The following ROR2 variants were observed in gnomAD, a reference collection of about 807,000 sequenced individuals.
ROR2 encodes the protein ROR family WNT receptor 2, also known as tyrosine-protein kinase transmembrane receptor ROR2.
A neutral mutation model predicts 74.9 loss-of-function variants in ROR2; 33 were observed. That is an observed-to-expected ratio of 0.44 (90% CI 0.33 to 0.59). ROR2 has a LOEUF of 0.59. ROR2 is among the 20% of genes least tolerant of loss of function. The probability of loss-of-function intolerance (pLI) is 0.02; values close to 1 mark genes in which losing one functional copy is unlikely to be tolerated. For synonymous variants in ROR2, 586 were observed against 558.7 expected (o/e 1.05, Z -0.69); for missense variants, 1,216 against 1,313.8 (o/e 0.93, Z 1.15).
chr9:91,940,704 CCTGTCT>C (rs71955954), intron 1 of ROR2, among the ~76,000 whole-genome samples: 78,355 of 150,746 alleles, frequency 0.52, 22,905 homozygotes, highest in African/African-American at 0.8. Flanking sequence ...AAGTGATCCT[CCTGTCT>C]CTGTCTCGGC....
intron 1 of ROR2, among the ~76,000 whole-genome samples, chr9:91,813,405 A>T (rs1827823399): frequency 6.6e-6 from 1 of 152,192 alleles, no homozygotes; most frequent in Non-Finnish European, 1.5e-5. Context: ...TGGTTGTTTA[A>T]ACAGTAACCA....
At chr9:91,928,155 G>A (rs1054463555) in intron 1 of ROR2, among the ~76,000 whole-genome samples, 3 of 152,020 alleles carry the variant, frequency 2.0e-5, no homozygotes, top group African/African-American at 7.2e-5. Context: ...TTGGCCCTAT[G>A]TGACCCCAGG....
intron 1 of ROR2, among the ~76,000 whole-genome samples, chr9:91,891,387 G>C (rs1830415948): frequency 1.3e-5 from 2 of 151,876 alleles, no homozygotes; most frequent in South Asian, 4.1e-4. Flanking sequence ...TGCTGCCTCA[G>C]CCTCCTGAGT....
chr9:91,805,170 T>C (rs1351040813), intron 1 of ROR2, among the ~76,000 whole-genome samples: 2 of 152,240 alleles, frequency 1.3e-5, no homozygotes, highest in Admixed American at 6.5e-5. Flanking sequence ...CATAAGGTCA[T>C]GCAGAAGCCT....
chr9:91,933,388 A>T (rs76926693), intron 1 of ROR2, among the ~76,000 whole-genome samples: 11,616 of 152,182 alleles, frequency 0.076, 768 homozygotes, highest in East Asian at 0.22. Flanking sequence ...TAAAAAAAAA[A>T]ATATGTTTAC....
At chr9:91,899,842 G>T (rs1296575068) in intron 1 of ROR2, among the ~76,000 whole-genome samples, 1 of 152,036 alleles carries the variant, frequency 6.6e-6, no homozygotes, top group Non-Finnish European at 1.5e-5. Flanking sequence ...CAGGAAACTG[G>T]TCGCAAACAC....
intron 1 of ROR2, among the ~76,000 whole-genome samples, chr9:91,861,142 T>A (rs1829457529): frequency 6.6e-6 from 1 of 152,200 alleles, no homozygotes; most frequent in Admixed American, 6.5e-5. Flanking sequence ...TATCCTGTGT[T>A]TATGGATCAG....
At chr9:91,886,978 A>T (rs7021744) in intron 1 of ROR2, 96,936 of 151,938 alleles carry the variant, frequency 0.64, 33,000 homozygotes, top group African/African-American at 0.89. Context: ...GTCGGGAAAT[A>T]CAACCTCTTC....
intron 1 of ROR2, among the ~76,000 whole-genome samples, chr9:91,810,195 G>C (rs1827701188): frequency 6.6e-6 from 1 of 152,174 alleles, no homozygotes; most frequent in Admixed American, 6.5e-5. Context: ...TCAGAATGGG[G>C]TCTATGGTTT....
At chr9:91,792,303 CTA>C (rs1296228531) in intron 1 of ROR2, among the ~76,000 whole-genome samples, 21 of 142,392 alleles carry the variant, frequency 1.5e-4, no homozygotes, top group South Asian at 4.5e-4. Context: ...AAAGTTGGTT[CTA>C]TTTTTTTTTT....
chr9:91,903,955 T>G (rs1330306921), intron 1 of ROR2, among the ~76,000 whole-genome samples: 2 of 152,218 alleles, frequency 1.3e-5, no homozygotes, highest in Non-Finnish European at 2.9e-5. Context: ...GTTTTAGATA[T>G]TCAAAGAAAC....
intron 1 of ROR2, among the ~76,000 whole-genome samples, chr9:91,816,270 C>A (rs1422753008): frequency 6.6e-6 from 1 of 152,182 alleles, no homozygotes; most frequent in Non-Finnish European, 1.5e-5. Context: ...TTCACAGCCA[C>A]AGGAGACCCT....
chr9:91,807,373 T>C (rs1266056691), intron 1 of ROR2, among the ~76,000 whole-genome samples: 1 of 152,214 alleles, frequency 6.6e-6, no homozygotes, highest in Non-Finnish European at 1.5e-5. Flanking sequence ...GCTCCTACAC[T>C]GGGGACCCTT....
intron 1 of ROR2, among the ~76,000 whole-genome samples, chr9:91,829,379 C>T (rs1275244473): frequency 6.6e-6 from 1 of 151,854 alleles, no homozygotes; most frequent in Non-Finnish European, 1.5e-5. Context: ...CCCGTCTCTA[C>T]TAAAACACAC....
intron 1 of ROR2, among the ~76,000 whole-genome samples, chr9:91,887,511 T>C (rs1736580258): frequency 6.6e-6 from 1 of 152,206 alleles, no homozygotes; most frequent in African/African-American, 2.4e-5. Flanking sequence ...TCAATAAATA[T>C]ATCACAAGTT....
At chr9:91,882,235 C>A (rs900167211) in intron 1 of ROR2, among the ~76,000 whole-genome samples, 6 of 151,910 alleles carry the variant, frequency 3.9e-5, no homozygotes, top group Non-Finnish European at 8.8e-5. Flanking sequence ...CATAGTGAAA[C>A]CCTATCTCTA....
chr9:91,726,658 G>C lies in ROR2; in HGVS notation c.1269C>G (p.Phe423Leu), dbSNP rs1233500827. ...GCTTATTCCGGCACATGCAAACCAA[G>C]AAGAAAAGGCAAGCGATGACCAGTG... ...AIPLVIACLF[F>L]LVCMCRNKQK... Residue 423 changes from phenylalanine to leucine, a missense_variant, in exon 8 of 9, where the codon TTC (phenylalanine) becomes TTG (leucine). Physicochemically the swap from Phe to Leu is conservative, Grantham distance 22. Transcript: ENST00000375708. 1 of 1,614,068 alleles carries C rather than the reference G, an allele frequency of 6.2e-7. No individual in the cohort carries two copies. The highest frequency in any genetic ancestry group is 8.5e-7 in the Non-Finnish European group (1 of 1,180,022).
intron 1 of ROR2, among the ~76,000 whole-genome samples, chr9:91,881,307 A>G (rs1378088398): frequency 2.0e-5 from 3 of 152,278 alleles, no homozygotes; most frequent in African/African-American, 7.2e-5. Context: ...AAATAAAACC[A>G]TGTCAGTATG....
chr9:91,925,003 C>T (rs961459944), intron 1 of ROR2, among the ~76,000 whole-genome samples: 1 of 151,972 alleles, frequency 6.6e-6, no homozygotes, highest in African/African-American at 2.4e-5. Context: ...AGCCACCACA[C>T]CTGGCTATTT....
Sources: gnomAD v4.1 joint callset for allele counts (sites outside exome capture counted in the v4.1 genomes callset) on GRCh38, gnomAD v4.1.1 for gene constraint, MANE v1.5 for transcripts, NCBI Gene and HGNC (gene_info 2026-07-23, HGNC 2026-07-21) for gene names.